MYSM1: variants seen among roughly 807,000 people sequenced by gnomAD.
MYSM1 encodes the protein Myb like, SWIRM and MPN domains 1.
Under a neutral mutation model 116.0 loss-of-function variants are expected in MYSM1, and 51 were observed. The ratio of observed to expected loss-of-function variants is 0.44; its 90% CI spans 0.35 to 0.56. The LOEUF is 0.56. Ranked by LOEUF, MYSM1 falls within the 20% of genes least tolerant of loss-of-function variation. MYSM1 has a pLI of 0.00. For synonymous variants in MYSM1, 313 were observed against 315.2 expected (o/e 0.99, Z 0.07); for missense variants, 900 against 974.9 (o/e 0.92, Z 1.02).
In MYSM1 at chr1:58,682,366, T is replaced by C. The variant is rs1005476499; in HGVS notation, c.678A>G (p.Thr226=). 1.9e-6 allele frequency: 3 copies of C among 1,614,206 alleles called. No homozygotes were observed. Among genetic ancestry groups the C allele is most frequent in the Admixed American group, 3.3e-5 (2 of 60,026 alleles). Residue 226 remains threonine, a synonymous_variant, in exon 8 of 20, where the codon ACA becomes ACG. Coordinates refer to ENST00000472487, the MANE Select transcript of MYSM1 (RefSeq NM_001085487.3). ...GAGAAGACAACTCGTCCACCTCATC[T>C]GTGATGTCTACTTCTTCATCATCAG... The part of the protein sequence containing the change: ...KLSDDEEVDI[T]DEVDELSSQT...
intron 7 of MYSM1, 93 bp downstream of exon 7, chr1:58,685,060 A>G (rs1018489690): frequency 9.9e-7 from 1 of 1,012,550 alleles, no homozygotes; most frequent in Non-Finnish European, 1.4e-6. Flanking sequence ...AACTTTTACC[A>G]GTAAGACTTT....
At chr1:58,671,242 G>C (rs376984737) in intron 12 of MYSM1, among the ~76,000 whole-genome samples, 2 of 152,082 alleles carry the variant, frequency 1.3e-5, no homozygotes, top group Non-Finnish European at 2.9e-5. Flanking sequence ...GACTATATGA[G>C]CTAATAAATA....
At chr1:58,696,677 C>A (rs993896882) in intron 1 of MYSM1, among the ~76,000 whole-genome samples, 19 of 152,198 alleles carry the variant, frequency 1.2e-4, no homozygotes, top group Non-Finnish European at 2.6e-4. Flanking sequence ...CACCTCCCCT[C>A]CTTTATCTTT....
At position 58,658,290 on chromosome 1, in the gene MYSM1, C is replaced by T. The variant is rs924125039; in HGVS notation, c.*1707G>A. On this transcript the variant is annotated 3_prime_UTR_variant, in exon 20 of 20. Coordinates refer to ENST00000472487, the MANE Select transcript of MYSM1 (RefSeq NM_001085487.3). ...TAATTGTTTTATAAGCTATACTTCA[C>T]TGTTTATCCTAAGTGCACACAGAGA... 3.9e-5 allele frequency: 6 copies of T among 152,074 alleles called. No individual in the cohort carries two copies. The highest frequency in any genetic ancestry group is 1.4e-4 in the African/African-American group (6 of 41,406). 9.4% of individuals were successfully genotyped at this position (152,074 alleles called of 1,614,324 possible).
rs1313938454 is a variant in MYSM1, at chr1:58,682,472, T to A, written c.572A>T (p.Lys191Ile). 1 of 1,613,998 alleles carries A rather than the reference T, an allele frequency of 6.2e-7. No homozygotes were observed. The highest frequency in any genetic ancestry group is 1.1e-5 in the South Asian group (1 of 91,056). The change falls in exon 8 of 20, where the codon AAA becomes ATA. Residue 191 changes from lysine (K) to isoleucine (I), a missense_variant. Physicochemically the swap from Lys to Ile is moderately radical, Grantham distance 102. Around this residue, in one of 3 missense-constraint regions of MYSM1, gnomAD observed 622 missense variants for 623.7 expected, o/e 1.00. Coordinates refer to ENST00000472487, the MANE Select transcript of MYSM1 (RefSeq NM_001085487.3). ...TGATGGTGTCCATGCCTTTGTCCCTTTATCTTCATTTTTAACTTGAAGATT... is the reference window on the plus strand; with the variant it reads ...TGATGGTGTCCATGCCTTTGTCCCTATATCTTCATTTTTAACTTGAAGATT... ...GHNLQVKNED[K>I]GTKAWTPSCL...
chr1:58,688,470 G>T (rs1006315396), intron 6 of MYSM1, among the ~76,000 whole-genome samples: 1 of 150,814 alleles, frequency 6.6e-6, no homozygotes, highest in African/African-American at 2.4e-5. Flanking sequence ...ATATTAAGGG[G>T]TATTTTCAGA....
In MYSM1 at chr1:58,682,487, A is replaced by T. The variant is rs1557519197; in HGVS notation, c.557T>A (p.Val186Asp). 6.2e-7 allele frequency: 1 copy of T among 1,613,564 alleles called. No individual in the cohort carries two copies. The highest frequency in any genetic ancestry group is 8.5e-7 in the Non-Finnish European group (1 of 1,179,756). The stretch of plus-strand genomic sequence containing the variant: ...CTTTGTCCCTTTATCTTCATTTTTA[A>T]CTTGAAGATTATGGCCGGTCTTCTG... ...PNQKTGHNLQVKNEDKGTKAW... is the reference protein window; with the variant it reads ...PNQKTGHNLQDKNEDKGTKAW... Residue 186 changes from valine to aspartate, a missense_variant, in exon 8 of 20, where the codon GTT becomes GAT. Around this residue, in one of 3 missense-constraint regions of MYSM1, gnomAD observed 622 missense variants for 623.7 expected, o/e 1.00. Coordinates refer to ENST00000472487, the MANE Select transcript of MYSM1 (RefSeq NM_001085487.3).
At chr1:58,685,536 G>T (rs372350649) in intron 6 of MYSM1, among the ~76,000 whole-genome samples, 7 of 152,210 alleles carry the variant, frequency 4.6e-5, no homozygotes, top group Middle Eastern at 3.4e-3. Context: ...AATTCATATT[G>T]TAAGTTATAA....
Position 58,671,972 on chromosome 1 carries a change from C to T in MYSM1, c.1573-14G>A, listed in dbSNP as rs781450259. 6.2e-6 allele frequency: 10 copies of T among 1,606,666 alleles called. No homozygotes were observed. The highest frequency in any genetic ancestry group is 2.2e-5 in the South Asian group (2 of 90,694). On this transcript the variant is annotated splice_polypyrimidine_tract_variant and intron_variant, in intron 11 of 19. Coordinates refer to ENST00000472487, the MANE Select transcript of MYSM1 (RefSeq NM_001085487.3). ...AGCAGAGAGATGCTAAAACAAAATG[C>T]CAATTGATTAAGGAGTCCATCATCT... is the stretch of plus-strand genomic sequence containing the variant.
chr1:58,692,081 A>G (rs2746080), intron 3 of MYSM1, among the ~76,000 whole-genome samples: 6,607 of 152,290 alleles, frequency 0.043, 469 homozygotes, highest in African/African-American at 0.15. Context: ...AATAGCAATA[A>G]TCTAGGCTAT....
chr1:58,674,405 A>G (rs1382740798), intron 10 of MYSM1, among the ~76,000 whole-genome samples: 1 of 152,208 alleles, frequency 6.6e-6, no homozygotes, highest in Non-Finnish European at 1.5e-5. Flanking sequence ...TGAGGCCTTT[A>G]AAATGGACCA....
At chr1:58,663,622 G>A (rs1385102231) in intron 17 of MYSM1, among the ~76,000 whole-genome samples, 3 of 152,220 alleles carry the variant, frequency 2.0e-5, no homozygotes, top group East Asian at 3.8e-4. Flanking sequence ...TAGCTCATGG[G>A]AGCATCATGG....
intron 17 of MYSM1, among the ~76,000 whole-genome samples, chr1:58,664,209 AGAT>A (rs939093765): frequency 9.8e-5 from 15 of 152,354 alleles, no homozygotes; most frequent in African/African-American, 3.6e-4. Flanking sequence ...AAATCAAGTC[AGAT>A]GATGATTTAA....
In MYSM1 at chr1:58,655,801, T is replaced by C. The variant is rs1261254812; in HGVS notation, c.*4196A>G. The C allele has an allele frequency of 1.3e-5, 2 of 152,174 alleles. No homozygotes were observed. Among genetic ancestry groups the C allele is most frequent in the Non-Finnish European group, 2.9e-5 (2 of 68,026 alleles). The allele number at this position is 152,174 out of a possible 1,614,324, so 9.4% of individuals were successfully genotyped here. On this transcript the variant is annotated 3_prime_UTR_variant, in exon 20 of 20. Coordinates refer to ENST00000472487, the MANE Select transcript of MYSM1 (RefSeq NM_001085487.3). ...AATTTGTTAAATTATTTATTTACCC[T>C]GATGAAGCAGATGATTATAAAAATG...
At chr1:58,678,806 A>C (rs143860172) in intron 8 of MYSM1, among the ~76,000 whole-genome samples, 344 of 152,338 alleles carry the variant, frequency 2.3e-3, no homozygotes, top group African/African-American at 7.8e-3. Context: ...TTGACAAAAT[A>C]TGGGGGAAGA....
intron 11 of MYSM1, 49 bp from the exon 12 acceptor site, chr1:58,672,007 C>T (rs776143940): frequency 2.1e-6 from 3 of 1,459,466 alleles, no homozygotes; most frequent in South Asian, 1.2e-5. Context: ...TACTAAGAGG[C>T]AGAATAAAAA....
intron 7 of MYSM1, 141 bp from the exon 8 acceptor site, chr1:58,682,686 TTTTTTTTCTTTTC>T (rs1488047578): frequency 0.051 from 17,426 of 343,046 alleles, 16 homozygotes; most frequent in Non-Finnish European, 0.059. Flanking sequence ...TGCGCTTTTC[TTTTTTTTCTTTTC>T]TTTTTTTTTT....
At chr1:58,685,883 G>A (rs1644820579) in intron 6 of MYSM1, among the ~76,000 whole-genome samples, 1 of 152,204 alleles carries the variant, frequency 6.6e-6, no homozygotes, top group Non-Finnish European at 1.5e-5. Context: ...TGTATATGCT[G>A]CACACATCAA....
At chr1:58,691,466 ACTT>A (rs1644905477) in intron 3 of MYSM1, among the ~76,000 whole-genome samples, 1 of 152,208 alleles carries the variant, frequency 6.6e-6, no homozygotes, top group South Asian at 2.1e-4. Flanking sequence ...ACCACTGACT[ACTT>A]AAGTGTTTTA....
Sources: gnomAD v4.1 joint callset for allele counts (sites outside exome capture counted in the v4.1 genomes callset) on GRCh38, gnomAD v4.1.1 for gene constraint, gnomAD v4.1.1 regional missense constraint, MANE v1.5 for transcripts, NCBI Gene and HGNC (gene_info 2026-07-23, HGNC 2026-07-21) for gene names.